The following TRAPPC9 variants were observed in gnomAD, a reference collection of about 807,000 sequenced individuals.
TRAPPC9 encodes the protein IKK2 binding protein.
Under a neutral mutation model 124.0 loss-of-function variants are expected in TRAPPC9, and 83 were observed. The observed-to-expected ratio is 0.67, with a 90% confidence interval of 0.56 to 0.80. The LOEUF (loss-of-function observed/expected upper bound fraction) is 0.80, where lower values mean the gene tolerates loss of function less well. TRAPPC9 is among the 30% of genes least tolerant of loss of function. TRAPPC9 has a pLI of 0.00. For missense variants in TRAPPC9, 1,302 were observed against 1,508.3 expected (o/e 0.86, Z 2.27); for synonymous variants, 638 against 617.5 (o/e 1.03, Z -0.49).
intron 21 of TRAPPC9, among the ~76,000 whole-genome samples, chr8:139,853,438 C>A (rs992793571): frequency 1.3e-4 from 20 of 152,316 alleles, no homozygotes; most frequent in Non-Finnish European, 2.5e-4. Flanking sequence ...GACTCTGCCC[C>A]ACAGGTGGAA....
At chr8:140,295,937 A>T (rs1050838926) in intron 11 of TRAPPC9, among the ~76,000 whole-genome samples, 3 of 152,234 alleles carry the variant, frequency 2.0e-5, no homozygotes, top group African/African-American at 4.8e-5. Flanking sequence ...TCAGAAAAAA[A>T]TCTTACATCA....
intron 17 of TRAPPC9, among the ~76,000 whole-genome samples, chr8:140,177,869 C>A (rs1464343082): frequency 6.6e-6 from 1 of 152,006 alleles, no homozygotes; most frequent in Non-Finnish European, 1.5e-5. Flanking sequence ...ACAATTCTTG[C>A]ACATCTTTTC....
chr8:139,771,032 G>A (rs2130442679), intron 21 of TRAPPC9, among the ~76,000 whole-genome samples: 1 of 152,270 alleles, frequency 6.6e-6, no homozygotes, highest in Non-Finnish European at 1.5e-5. Flanking sequence ...CCCCAGGGAC[G>A]CCAACATGCT....
chr8:139,849,499 A>C (rs1048916726), intron 21 of TRAPPC9, among the ~76,000 whole-genome samples: 1 of 152,254 alleles, frequency 6.6e-6, no homozygotes, highest in Non-Finnish European at 1.5e-5. Context: ...TTCTAGCCAC[A>C]AGAATGTCTT....
chr8:140,042,972 C>G (rs1381770252), intron 17 of TRAPPC9, among the ~76,000 whole-genome samples: 2 of 152,180 alleles, frequency 1.3e-5, no homozygotes, highest in Non-Finnish European at 2.9e-5. Flanking sequence ...CACACGGGAG[C>G]CAATGTAATA....
chr8:139,815,954 C>A (rs921713581), intron 21 of TRAPPC9, among the ~76,000 whole-genome samples: 1 of 152,202 alleles, frequency 6.6e-6, no homozygotes, highest in Non-Finnish European at 1.5e-5. Flanking sequence ...GGTTAAGGAA[C>A]CTGCATGAGG....
intron 9 of TRAPPC9, among the ~76,000 whole-genome samples, chr8:140,340,077 C>A (rs1489615712): frequency 6.6e-6 from 1 of 152,158 alleles, no homozygotes; most frequent in African/African-American, 2.4e-5. Context: ...GAACTCCTGA[C>A]CTCAGGTGAT....
chr8:140,155,704 G>A (rs962959864), intron 17 of TRAPPC9, among the ~76,000 whole-genome samples: 1 of 152,166 alleles, frequency 6.6e-6, no homozygotes, highest in Admixed American at 6.5e-5. Flanking sequence ...GGACCCCCTG[G>A]CTGTCCATCA....
chr8:140,295,086 A>G (rs1341089904), intron 11 of TRAPPC9, among the ~76,000 whole-genome samples: 2 of 152,054 alleles, frequency 1.3e-5, no homozygotes, highest in African/African-American at 4.8e-5. Flanking sequence ...TGCGGGACAC[A>G]CTGTGCATGC....
At chr8:140,032,375 G>C (rs1840549242) in intron 17 of TRAPPC9, among the ~76,000 whole-genome samples, 1 of 151,800 alleles carries the variant, frequency 6.6e-6, no homozygotes, top group Admixed American at 6.6e-5. Context: ...TATTTACACA[G>C]AAACAAGAAA....
intron 21 of TRAPPC9, among the ~76,000 whole-genome samples, chr8:139,852,459 G>A (rs1035512850): frequency 6.6e-6 from 1 of 152,162 alleles, no homozygotes. Flanking sequence ...CAGATACACA[G>A]TGCGTGCTCT....
At chr8:139,739,703 T>C (rs1818432820) in intron 21 of TRAPPC9, among the ~76,000 whole-genome samples, 1 of 152,256 alleles carries the variant, frequency 6.6e-6, no homozygotes, top group Non-Finnish European at 1.5e-5. Flanking sequence ...GCCACATTCA[T>C]GTATTTTCTC....
At chr8:140,429,853 A>G (rs535424473) in intron 4 of TRAPPC9, among the ~76,000 whole-genome samples, 1 of 151,858 alleles carries the variant, frequency 6.6e-6, no homozygotes, top group East Asian at 1.9e-4. Flanking sequence ...TAAATGTTCA[A>G]CAGATGTTAT....
intron 17 of TRAPPC9, among the ~76,000 whole-genome samples, chr8:140,091,279 T>G (rs931062831): frequency 3.9e-5 from 6 of 152,136 alleles, no homozygotes; most frequent in African/African-American, 1.4e-4. Flanking sequence ...CAACATACCA[T>G]GATGGCCTCA....
intron 21 of TRAPPC9, among the ~76,000 whole-genome samples, chr8:139,810,165 A>G (rs1270889124): frequency 6.6e-6 from 1 of 152,168 alleles, no homozygotes; most frequent in Non-Finnish European, 1.5e-5. Flanking sequence ...ACAGCTGTGG[A>G]AAGAGGGCAA....
intron 18 of TRAPPC9, among the ~76,000 whole-genome samples, chr8:139,995,718 G>A (rs939778086): frequency 6.6e-6 from 1 of 151,998 alleles, no homozygotes. Context: ...GACAGAATCA[G>A]ACCCTCAAGA....
At chr8:140,165,291 A>T (rs2061815247) in intron 17 of TRAPPC9, among the ~76,000 whole-genome samples, 1 of 152,116 alleles carries the variant, frequency 6.6e-6, no homozygotes, top group Non-Finnish European at 1.5e-5. Flanking sequence ...CAGTGAGCCA[A>T]GATCGCACCA....
chr8:140,417,808 A>G (rs1479694076), intron 5 of TRAPPC9, among the ~76,000 whole-genome samples: 1 of 152,248 alleles, frequency 6.6e-6, no homozygotes, highest in Non-Finnish European at 1.5e-5. Flanking sequence ...CTTGGAACCA[A>G]CCCAAATGTC....
intron 17 of TRAPPC9, among the ~76,000 whole-genome samples, chr8:140,212,104 C>G (rs890377636): frequency 2.6e-5 from 4 of 152,204 alleles, no homozygotes; most frequent in Admixed American, 2.6e-4. Context: ...AAGCAAAGAG[C>G]CTGCGCTCAG....
Sources: gnomAD v4.1 joint callset for allele counts (sites outside exome capture counted in the v4.1 genomes callset) on GRCh38, gnomAD v4.1.1 for gene constraint, MANE v1.5 for transcripts, NCBI Gene and HGNC (gene_info 2026-07-23, HGNC 2026-07-21) for gene names.